Variants in BRWD3 observed in about 807,000 individuals in gnomAD.
BRWD3 encodes bromodomain and WD repeat-containing protein 3.
A neutral mutation model predicts 149.7 loss-of-function variants in BRWD3; 10 were observed. That is an observed-to-expected ratio of 0.07 (90% CI 0.04 to 0.11). The LOEUF is 0.11. Ranked by LOEUF, BRWD3 falls within the 10% of genes least tolerant of loss-of-function variation. The probability of loss-of-function intolerance (pLI) is 1.00; values close to 1 mark genes in which losing one functional copy is unlikely to be tolerated. For missense variants in BRWD3, 940 were observed against 1,373.2 expected (o/e 0.68, Z 4.99); for synonymous variants, 504 against 456.7 (o/e 1.10, Z -1.32).
intron 22 of BRWD3, among the ~76,000 whole-genome samples, chrX:80,706,832 C>T (rs1569253559): frequency 8.9e-6 from 1 of 112,723 alleles, no homozygotes; most frequent in Non-Finnish European, 1.9e-5. Context: ...GAGTTCAAGG[C>T]ATGCCTGGGC....
chrX:80,746,201 C>A (rs1474305914), intron 6 of BRWD3, among the ~76,000 whole-genome samples: 1 of 107,620 alleles, frequency 9.3e-6, no homozygotes, highest in Non-Finnish European at 1.9e-5. Context: ...AAGAGTAATA[C>A]AAGTAAAAAA....
chrX:80,712,681 C>T (rs1179482042), intron 20 of BRWD3, among the ~76,000 whole-genome samples: 14 of 109,613 alleles, frequency 1.3e-4, no homozygotes, highest in Admixed American at 1.9e-4. Flanking sequence ...TCTGCCCAGC[C>T]GCCATCCCAT....
chrX:80,726,824 T>A (rs922041402), intron 14 of BRWD3, among the ~76,000 whole-genome samples: 1 of 110,601 alleles, frequency 9.0e-6, no homozygotes, highest in East Asian at 2.8e-4. Context: ...TTACCAAAAT[T>A]CTTCCCCGTG....
intron 4 of BRWD3, among the ~76,000 whole-genome samples, chrX:80,797,769 T>C (rs980954895): frequency 5.4e-5 from 6 of 111,721 alleles, no homozygotes; most frequent in Non-Finnish European, 1.1e-4. Context: ...AGCAGTTACA[T>C]TGAAAAAGTC....
At chrX:80,799,013 G>A (rs1247253208) in intron 4 of BRWD3, among the ~76,000 whole-genome samples, 2 of 111,765 alleles carry the variant, frequency 1.8e-5, no homozygotes, top group Non-Finnish European at 3.8e-5. Flanking sequence ...TAAGGCAGCT[G>A]AAAAATTATA....
At chrX:80,692,776 A>G (rs2072629724) in intron 28 of BRWD3, among the ~76,000 whole-genome samples, 164 bp downstream of exon 28, 1 of 112,139 alleles carries the variant, frequency 8.9e-6, no homozygotes, top group Non-Finnish European at 1.9e-5. Context: ...GACTAAAACA[A>G]GGGAAGAACT....
intron 20 of BRWD3, chrX:80,710,136 T>C (rs887118644): frequency 1.6e-5 from 9 of 547,388 alleles, no homozygotes; most frequent in Non-Finnish European, 2.6e-5. Flanking sequence ...GGTATCTCAA[T>C]TGCAGGGCTT....
At chrX:80,731,972 A>G (rs1386881545) in intron 12 of BRWD3, among the ~76,000 whole-genome samples, 1 of 110,206 alleles carries the variant, frequency 9.1e-6, no homozygotes, top group Non-Finnish European at 1.9e-5. Flanking sequence ...CTAAAATCTG[A>G]AAGTGTTTTG....
intron 6 of BRWD3, among the ~76,000 whole-genome samples, chrX:80,751,082 C>A (rs762261928): frequency 9.0e-6 from 1 of 110,767 alleles, no homozygotes; most frequent in South Asian, 3.8e-4. Flanking sequence ...AGGTAGTTAC[C>A]ACAGGATACA....
At position 80,723,766 on chromosome X, in the gene BRWD3, G is replaced by A; in HGVS notation, c.1632C>T (p.Cys544=). 8.3e-7 allele frequency: 1 copy of A among 1,210,448 alleles called. No homozygotes were observed. Among genetic ancestry groups the A allele is most frequent in the Non-Finnish European group, 1.1e-6 (1 of 894,433 alleles). Reference sequence around the variant, plus strand: ...TGCTAACCTTTTCGTAGTATTTACTGCATCCAAAACCAAAAAGCAGCAAAT... The same window carrying A: ...TGCTAACCTTTTCGTAGTATTTACTACATCCAAAACCAAAAAGCAGCAAAT... The part of the protein sequence containing the change: ...HGHLLLFGFG[C]SKYYEKIPDQ... The change falls in exon 16 of 41, where the codon TGC becomes TGT. Residue 544 remains cysteine, a synonymous_variant. Transcript: ENST00000373275.
Position 80,701,545 on chromosome X carries a change from C to CA in BRWD3, c.2836-1482dup, listed in dbSNP as rs140140883. The stretch of plus-strand genomic sequence containing the variant: ...GCCTGGGCAACAGAGCGAGACTCGT[C>CA]AAAAAAAAAAAAAAAAAAAAAAAAA... On this transcript the variant is annotated intron_variant, in intron 24 of 40. Coordinates refer to ENST00000373275, the MANE Select transcript of BRWD3 (RefSeq NM_153252.5). Among the ~76,000 whole-genome samples the CA allele has an allele frequency of 5.5e-3, 133 of 24,185 alleles. 15 individuals are homozygous for CA. The highest frequency in any genetic ancestry group is 0.023 in the African/African-American group (128 of 5,670). 21.0% of individuals were successfully genotyped at this position (24,185 alleles called of 115,157 possible). A position where few individuals can be genotyped will look rare whatever the true frequency, so the allele number is the denominator to read the frequency against.
intron 6 of BRWD3, among the ~76,000 whole-genome samples, chrX:80,761,531 T>C (rs2073802298): frequency 1.8e-5 from 2 of 111,537 alleles, no homozygotes; most frequent in African/African-American, 6.5e-5. Flanking sequence ...TATACTAAAC[T>C]TAAGGTTTAA....
intron 8 of BRWD3, 134 bp downstream of exon 8, chrX:80,743,898 G>A (rs747876714): frequency 6.6e-6 from 3 of 452,347 alleles, no homozygotes; most frequent in African/African-American, 2.5e-5. Context: ...TTGCTGCAGG[G>A]TAGGAGCAAA....
Position 80,683,997 on chromosome X carries a change from C to T in BRWD3, c.4233+13G>A. On this transcript the variant is annotated intron_variant, in intron 37 of 40. Coordinates refer to ENST00000373275, the MANE Select transcript of BRWD3 (RefSeq NM_153252.5). ...GAAAACTGCCTGATAATTAACCCAA[C>T]TAATAATCATACCCTTGACTTTTTA... The T allele has an allele frequency of 8.3e-7, 1 of 1,204,187 alleles. No individual in the cohort carries two copies. Among genetic ancestry groups the T allele is most frequent in the Non-Finnish European group, 1.1e-6 (1 of 889,675 alleles).
chrX:80,719,963 A>G (rs940162184), intron 17 of BRWD3, among the ~76,000 whole-genome samples: 2 of 111,448 alleles, frequency 1.8e-5, no homozygotes, highest in African/African-American at 6.5e-5. Context: ...TCATAAGATC[A>G]TAATGAAGCT....
chrX:80,726,194 G>A (rs751234197), intron 14 of BRWD3, among the ~76,000 whole-genome samples: 10 of 102,178 alleles, frequency 9.8e-5, no homozygotes, highest in South Asian at 4.6e-4. Context: ...CATATAACAC[G>A]TTTACATGTT....
At chrX:80,771,263 A>G (rs1257663673) in intron 6 of BRWD3, among the ~76,000 whole-genome samples, 1 of 111,670 alleles carries the variant, frequency 9.0e-6, no homozygotes, top group East Asian at 2.8e-4. Flanking sequence ...TAAAGTTCAT[A>G]CGGAACCAAA....
At position 80,780,321 on chromosome X, in the gene BRWD3, T is replaced by C. The variant is rs753042594; in HGVS notation, c.430+11533A>G. On this transcript the variant is annotated intron_variant, in intron 6 of 40. Coordinates refer to ENST00000373275, the MANE Select transcript of BRWD3 (RefSeq NM_153252.5). ...AAGAAAAAACATGTTCATACTAGGATTAAATGGAGAAAATACTTTTTTCAT... is the reference window on the plus strand; with the variant it reads ...AAGAAAAAACATGTTCATACTAGGACTAAATGGAGAAAATACTTTTTTCAT... 1.7e-4 allele frequency among the ~76,000 whole-genome samples: 19 copies of C among 111,174 alleles called. No homozygotes were observed. The Admixed American group carries it at 1.7e-3, about 10-fold the overall frequency.
chrX:80,686,359 T>A (rs1271830867), intron 35 of BRWD3, among the ~76,000 whole-genome samples: 1 of 109,262 alleles, frequency 9.2e-6, no homozygotes, highest in Non-Finnish European at 1.9e-5. Flanking sequence ...CAACATGGCA[T>A]ATGTATACGT....
Sources: gnomAD v4.1 joint callset for allele counts (sites outside exome capture counted in the v4.1 genomes callset) on GRCh38, gnomAD v4.1.1 for gene constraint, MANE v1.5 for transcripts, NCBI Gene and HGNC (gene_info 2026-07-23, HGNC 2026-07-21) for gene names.